Variants in YWHAQ observed in about 807,000 individuals in gnomAD.
YWHAQ encodes tyrosine 3-monooxygenase/tryptophan 5-monooxygenase activation protein theta, also known as 14-3-3 protein theta.
Under a neutral mutation model 28.3 loss-of-function variants are expected in YWHAQ, and 6 were observed. The ratio of observed to expected loss-of-function variants is 0.21; its 90% CI spans 0.12 to 0.42. The LOEUF (loss-of-function observed/expected upper bound fraction) is 0.42, where lower values mean the gene tolerates loss of function less well. YWHAQ is among the 10% of genes least tolerant of loss of function. The pLI, the probability that YWHAQ is intolerant of heterozygous loss-of-function variation, is 1.00. For synonymous variants in YWHAQ, 143 were observed against 119.1 expected (o/e 1.20, Z -1.31); for missense variants, 201 against 305.6 (o/e 0.66, Z 2.55).
chr2:9,610,332 G>A (rs62119431), intron 2 of YWHAQ, among the ~76,000 whole-genome samples: 22,585 of 152,066 alleles, frequency 0.15, 2,079 homozygotes, highest in Middle Eastern at 0.23. Flanking sequence ...CTGTAAAACA[G>A]TTACTGACAG....
chr2:9,625,699 T>C (rs1415663744), intron 2 of YWHAQ, among the ~76,000 whole-genome samples: 1 of 152,116 alleles, frequency 6.6e-6, no homozygotes, highest in Non-Finnish European at 1.5e-5. Flanking sequence ...GCAAAGTGAG[T>C]ATAAAGTGCT....
intron 2 of YWHAQ, among the ~76,000 whole-genome samples, chr2:9,616,483 T>G (rs1398832512): frequency 6.7e-6 from 1 of 150,134 alleles, no homozygotes; most frequent in Non-Finnish European, 1.5e-5. Context: ...ACAATGTTTC[T>G]GCTTCAAAGG....
intron 2 of YWHAQ, among the ~76,000 whole-genome samples, chr2:9,613,465 G>A (rs1666990088): frequency 6.6e-6 from 1 of 152,182 alleles, no homozygotes; most frequent in Non-Finnish European, 1.5e-5. Context: ...AAGCCTAAGG[G>A]TAGGCTTATG....
intron 2 of YWHAQ, among the ~76,000 whole-genome samples, chr2:9,597,955 G>A (rs1253389977): frequency 6.8e-6 from 1 of 147,990 alleles, no homozygotes; most frequent in East Asian, 2.0e-4. Context: ...GAGTAACTGG[G>A]ACTACAGGCA....
rs150523147 is a variant in YWHAQ at position 9,588,178 on chromosome 2, G to A, written c.569C>T (p.Thr190Met). The change falls in exon 4 of 6, where the codon ACG becomes ATG. Residue 190 changes from threonine to methionine, a missense_variant. Coordinates refer to ENST00000238081, the MANE Select transcript of YWHAQ (RefSeq NM_006826.4). ...CACACATCTTACCGTTTTAGCCAGC[G>A]TGCAGGCAAGCTCTGGGTTATTAAG... ...EILNNPELAC[T>M]LAKTAFDEAI... The A allele has an allele frequency of 2.6e-5, 41 of 1,566,488 alleles. No individual in the cohort carries two copies. The highest frequency in any genetic ancestry group is 3.3e-5 in the Non-Finnish European group (39 of 1,164,648).
chr2:9,623,072 G>C (rs11676903), intron 2 of YWHAQ, among the ~76,000 whole-genome samples: 24,727 of 152,210 alleles, frequency 0.16, 2,322 homozygotes, highest in Middle Eastern at 0.24. Context: ...CACCTTGACT[G>C]AACTAATCCC....
intron 2 of YWHAQ, among the ~76,000 whole-genome samples, chr2:9,594,009 A>G (rs1666518950): frequency 6.6e-6 from 1 of 151,510 alleles, no homozygotes; most frequent in Non-Finnish European, 1.5e-5. Flanking sequence ...ACGCACGCAC[A>G]AAAAATTAGT....
chr2:9,602,845 AAAAAAAAAAAAAAAAAAATATATATAT>A (rs1470640800), intron 2 of YWHAQ, among the ~76,000 whole-genome samples: 62 of 31,028 alleles, frequency 2.0e-3, no homozygotes, highest in African/African-American at 3.4e-3. Context: ...AAAAAAAAAA[AAAAAAAAAAAAAAAAAAATATATATAT>A]ATATATATAT....
At chr2:9,617,349 A>G (rs1667059090) in intron 2 of YWHAQ, among the ~76,000 whole-genome samples, 2 of 152,212 alleles carry the variant, frequency 1.3e-5, no homozygotes, top group African/African-American at 4.8e-5. Context: ...CATAAACATT[A>G]TGCAAAATGA....
At chr2:9,628,413 G>A (rs762132666) in intron 2 of YWHAQ, among the ~76,000 whole-genome samples, 9 of 152,100 alleles carry the variant, frequency 5.9e-5, no homozygotes, top group South Asian at 2.1e-4. Flanking sequence ...CCCGACTTAC[G>A]CCATCATAAA....
intron 5 of YWHAQ, 44 bp from the exon 6 acceptor site, chr2:9,585,389 G>A (rs1471935139): frequency 6.3e-7 from 1 of 1,594,014 alleles, no homozygotes. Flanking sequence ...TCTAGATTAG[G>A]CAATTACACT....
At chr2:9,591,638 T>C (rs1666458106) in intron 2 of YWHAQ, 123 bp from the exon 3 acceptor site, 7 of 1,223,256 alleles carry the variant, frequency 5.7e-6, no homozygotes, top group Non-Finnish European at 7.7e-6. Context: ...TACTATACCA[T>C]ACCAGCCTGG....
At chr2:9,606,037 T>G (rs1181904148) in intron 2 of YWHAQ, among the ~76,000 whole-genome samples, 1 of 152,192 alleles carries the variant, frequency 6.6e-6, no homozygotes, top group Non-Finnish European at 1.5e-5. Context: ...TAACACTATA[T>G]GTACAGTATT....
chr2:9,606,038 G>A (rs1471768965), intron 2 of YWHAQ, among the ~76,000 whole-genome samples: 2 of 151,982 alleles, frequency 1.3e-5, no homozygotes, highest in African/African-American at 4.8e-5. Flanking sequence ...AACACTATAT[G>A]TACAGTATTC....
intron 2 of YWHAQ, among the ~76,000 whole-genome samples, chr2:9,608,374 A>G (rs1161640580): frequency 2.0e-5 from 3 of 152,172 alleles, no homozygotes; most frequent in Non-Finnish European, 4.4e-5. Context: ...GACCCTAGAA[A>G]AACTTTGTCA....
At chr2:9,599,652 T>C (rs1666648704) in intron 2 of YWHAQ, among the ~76,000 whole-genome samples, 1 of 152,188 alleles carries the variant, frequency 6.6e-6, no homozygotes, top group Admixed American at 6.5e-5. Context: ...ATATTTTAAG[T>C]CCATTGTTGA....
rs944483259 is a variant in YWHAQ, at chr2:9,599,307, G to A, written c.295-7792C>T. On this transcript the variant is annotated intron_variant, in intron 2 of 5. Coordinates refer to ENST00000238081, the MANE Select transcript of YWHAQ (RefSeq NM_006826.4). ...AGCTGAAGGTACAAGTGCGAATGTA[G>A]AGCTGCAGTAAGTTATCCAGAAGAT... Among the ~76,000 whole-genome samples, 4 of 152,182 alleles carry A rather than the reference G, an allele frequency of 2.6e-5. No individual in the cohort carries two copies. In the South Asian group the frequency reaches 8.3e-4, roughly 32 times the overall value.
chr2:9,626,106 A>G (rs1573008244), intron 2 of YWHAQ, among the ~76,000 whole-genome samples: 1 of 152,222 alleles, frequency 6.6e-6, no homozygotes, highest in Admixed American at 6.5e-5. Context: ...GATTCCCTAC[A>G]TACTATTTTA....
intron 2 of YWHAQ, among the ~76,000 whole-genome samples, chr2:9,591,790 T>C (rs1199476097): frequency 6.6e-6 from 1 of 152,264 alleles, no homozygotes; most frequent in Non-Finnish European, 1.5e-5. Context: ...ACAGCCTATC[T>C]GTTCACTCAT....
Sources: allele counts gnomAD v4.1 joint callset (sites outside exome capture counted in the v4.1 genomes callset), GRCh38; gene constraint gnomAD v4.1.1; transcripts MANE v1.5; gene names NCBI Gene and HGNC (gene_info 2026-07-23, HGNC 2026-07-21).